Variants in BMPR2 observed in about 807,000 individuals in gnomAD.
The protein encoded by BMPR2 is bone morphogenetic protein receptor type-2.
Under a neutral mutation model 100.8 loss-of-function variants are expected in BMPR2, and 29 were observed. The ratio of observed to expected loss-of-function variants is 0.29; its 90% CI spans 0.21 to 0.39. The LOEUF is 0.39. BMPR2 is among the 10% of genes least tolerant of loss of function. The pLI, the probability that BMPR2 is intolerant of heterozygous loss-of-function variation, is 1.00. For missense variants in BMPR2, 1,011 were observed against 1,274.5 expected, an observed-to-expected ratio of 0.79 and a Z score of 3.15; for synonymous variants, 382 against 442.3, an observed-to-expected ratio of 0.86 and a Z score of 1.71.
intron 3 of BMPR2, chr2:202,474,711 C>CG (rs1474331757): frequency 2.0e-5 from 3 of 152,054 alleles, no homozygotes; most frequent in Non-Finnish European, 4.4e-5. Flanking sequence ...TTAATAGAGA[C>CG]GGGGTTTCAC....
Position 202,388,162 on chromosome 2 carries a change from C to T in BMPR2, c.76+10612C>T, listed in dbSNP as rs147546372. On this transcript the variant is annotated intron_variant, in intron 1 of 12. Transcript: ENST00000374580. ...CTGTAATCCCAGCACTTTGGGAGGCCGAGGTGGGTGGATTAACTGAGATCA... is the reference window on the plus strand; with the variant it reads ...CTGTAATCCCAGCACTTTGGGAGGCTGAGGTGGGTGGATTAACTGAGATCA... 3.0e-3 allele frequency among the ~76,000 whole-genome samples: 455 copies of T among 151,666 alleles called. 2 individuals are homozygous for T. Among genetic ancestry groups the T allele is most frequent in the African/African-American group, 0.011 (439 of 41,344 alleles).
intron 7 of BMPR2, among the ~76,000 whole-genome samples, chr2:202,523,591 G>C (rs1687856418): frequency 6.6e-6 from 1 of 151,914 alleles, no homozygotes; most frequent in Non-Finnish European, 1.5e-5. Context: ...ATCACCTGAG[G>C]TCGGGAGTTC....
chr2:202,532,792 C>G lies in BMPR2; in HGVS notation c.1276+60C>G. ...AGTGAAGCAGTTATATCTTCTTTCTCTACCTATAGTACCTAACTCAACTTT... is the reference window on the plus strand; with the variant it reads ...AGTGAAGCAGTTATATCTTCTTTCTGTACCTATAGTACCTAACTCAACTTT... On this transcript the variant is annotated intron_variant, in intron 9 of 12. Coordinates refer to ENST00000374580, the MANE Select transcript of BMPR2 (RefSeq NM_001204.7). The surrounding 1 kb of genome is among the most constrained non-coding windows in gnomAD (Gnocchi z 4.1). The G allele has an allele frequency of 1.9e-6, 3 of 1,557,858 alleles. No individual in the cohort carries two copies. The highest frequency in any genetic ancestry group is 2.6e-6 in the Non-Finnish European group (3 of 1,141,396).
intron 12 of BMPR2, among the ~76,000 whole-genome samples, chr2:202,558,237 C>T (rs940793845): frequency 1.3e-5 from 2 of 152,060 alleles, no homozygotes; most frequent in African/African-American, 2.4e-5. Flanking sequence ...CTCAGCCTCC[C>T]GAGTAGCTGG....
At chr2:202,541,778 T>C (rs1559070047) in intron 9 of BMPR2, among the ~76,000 whole-genome samples, 2 of 152,268 alleles carry the variant, frequency 1.3e-5, no homozygotes, top group South Asian at 2.1e-4. Flanking sequence ...ATTTGACTTA[T>C]CAACAAATAT....
At chr2:202,393,933 G>GAGAGAGAGAGAGAT (rs1690608813) in intron 1 of BMPR2, among the ~76,000 whole-genome samples, 1 of 121,680 alleles carries the variant, frequency 8.2e-6, no homozygotes, top group Non-Finnish European at 1.8e-5. Context: ...GAGAGAGAGA[G>GAGAGAGAGAGAGAT]ATTCCTGTGA....
intron 1 of BMPR2, among the ~76,000 whole-genome samples, chr2:202,427,813 A>G (rs1691420219): frequency 2.0e-5 from 3 of 151,986 alleles, no homozygotes. Flanking sequence ...CCCCATCTCT[A>G]CAAAAAACAC....
Position 202,559,955 on chromosome 2 carries a change from CA to C in BMPR2, c.*11del. 1 of 1,613,814 alleles carries C rather than the reference CA, an allele frequency of 6.2e-7. No homozygotes were observed. Among genetic ancestry groups the C allele is most frequent in the South Asian group, 1.1e-5 (1 of 91,064 alleles). On this transcript the variant is annotated 3_prime_UTR_variant, in exon 13 of 13. Transcript: ENST00000374580. ...GAATGAACTGTCTGTGAAATGTTTT[CA>C]AGCCTATGGAGTGAAATTATTTTTT...
chr2:202,424,251 G>A (rs1691334543), intron 1 of BMPR2, among the ~76,000 whole-genome samples: 1 of 151,978 alleles, frequency 6.6e-6, no homozygotes, highest in Admixed American at 6.6e-5. Flanking sequence ...GCATGTGCCT[G>A]TAATCCCTGC....
At chr2:202,530,736 A>G in intron 7 of BMPR2, 58 bp from the exon 8 acceptor site, 1 of 1,444,492 alleles carries the variant, frequency 6.9e-7, no homozygotes, top group Non-Finnish European at 9.6e-7. Flanking sequence ...ATGTATGTTC[A>G]TTTCATGTTC....
chr2:202,384,658 A>T (rs1408611966), intron 1 of BMPR2, among the ~76,000 whole-genome samples: 1 of 150,600 alleles, frequency 6.6e-6, no homozygotes, highest in Non-Finnish European at 1.5e-5. Flanking sequence ...CAATGGCAAG[A>T]TCTCTGCTCA....
At chr2:202,469,060 C>T (rs4349332) in intron 3 of BMPR2, among the ~76,000 whole-genome samples, 18,063 of 151,566 alleles carry the variant, frequency 0.12, 1,189 homozygotes, top group Admixed American at 0.14. Flanking sequence ...GATGGAGTTT[C>T]GCTCTTGTTG....
intron 1 of BMPR2, among the ~76,000 whole-genome samples, chr2:202,449,095 G>C (rs1179370128): frequency 6.6e-6 from 1 of 151,796 alleles, no homozygotes; most frequent in Non-Finnish European, 1.5e-5. Flanking sequence ...AGGCAGGCGA[G>C]GTCGGGAGTT....
At chr2:202,409,099 C>G (rs1690958485) in intron 1 of BMPR2, among the ~76,000 whole-genome samples, 1 of 152,192 alleles carries the variant, frequency 6.6e-6, no homozygotes, top group African/African-American at 2.4e-5. Context: ...AATTCCAACA[C>G]TTTGAGAGGC....
chr2:202,416,293 G>A (rs1256913964), intron 1 of BMPR2, among the ~76,000 whole-genome samples: 1 of 151,708 alleles, frequency 6.6e-6, no homozygotes, highest in African/African-American at 2.4e-5. Context: ...TTCAGAAAGG[G>A]TCTCACTCTT....
At chr2:202,428,678 A>G (rs1691442122) in intron 1 of BMPR2, among the ~76,000 whole-genome samples, 6 of 152,032 alleles carry the variant, frequency 3.9e-5, no homozygotes, top group Admixed American at 3.9e-4. Flanking sequence ...AAGTGTTGGG[A>G]TTCCAGGTGT....
In BMPR2 at chr2:202,520,067, G is replaced by A. The variant is rs201664912; in HGVS notation, c.853-20G>A. On this transcript the variant is annotated intron_variant, in intron 6 of 12. Coordinates refer to ENST00000374580, the MANE Select transcript of BMPR2 (RefSeq NM_001204.7). ...GTTAATTCTACCTTTTTTTTTTTTC[G>A]CATTTTTTCCTCTATATAGGGATCT... 55 of 1,145,010 alleles carry A rather than the reference G, an allele frequency of 4.8e-5. No individual in the cohort carries two copies. Among genetic ancestry groups the A allele is most frequent in the African/African-American group, 4.7e-4 (23 of 49,380 alleles). The allele number at this position is 1,145,010 out of a possible 1,614,324, so 70.9% of individuals were successfully genotyped here.
intron 1 of BMPR2, among the ~76,000 whole-genome samples, chr2:202,444,262 A>G (rs1691805328): frequency 6.6e-6 from 1 of 150,828 alleles, no homozygotes; most frequent in African/African-American, 2.5e-5. Flanking sequence ...TTGCTAAATA[A>G]TTCTCAGGGC....
intron 10 of BMPR2, 54 bp from the exon 11 acceptor site, chr2:202,552,662 C>G: frequency 6.3e-7 from 1 of 1,578,714 alleles, no homozygotes; most frequent in Non-Finnish European, 8.7e-7. Flanking sequence ...CTGAAAAGCT[C>G]AATACATTTT....
Sources: allele counts gnomAD v4.1 joint callset (sites outside exome capture counted in the v4.1 genomes callset), GRCh38; gene constraint gnomAD v4.1.1; non-coding constraint Gnocchi (gnomAD v3.1); transcripts MANE v1.5; gene names NCBI Gene and HGNC (gene_info 2026-07-23, HGNC 2026-07-21).